Variants in ACTR8 observed in about 807,000 individuals in gnomAD.
ACTR8 encodes actin related protein 8.
Under a neutral mutation model 84.3 loss-of-function variants are expected in ACTR8, and 70 were observed. The ratio of observed to expected loss-of-function variants is 0.83; its 90% confidence interval spans 0.68 to 1.01. The LOEUF (loss-of-function observed/expected upper bound fraction) is 1.01. Ranked by LOEUF, ACTR8 falls within the 50% of genes least tolerant of loss-of-function variation. The pLI, the probability that ACTR8 is intolerant of heterozygous loss-of-function variation, is 0.00. For missense variants in ACTR8, 672 were observed against 775.4 expected, an observed-to-expected ratio of 0.87 and a Z score of 1.58; for synonymous variants, 268 against 275.2, an observed-to-expected ratio of 0.97 and a Z score of 0.26.
At chr3:53,874,162 A>C (rs901526575) in intron 8 of ACTR8, 49 bp downstream of exon 8, 1 of 1,570,756 alleles carries the variant, frequency 6.4e-7, no homozygotes, top group Non-Finnish European at 8.6e-7. Context: ...AAATCTCTTA[A>C]ATTTTTCCTA....
chr3:53,873,781 C>T (rs1490716379), intron 8 of ACTR8, among the ~76,000 whole-genome samples: 1 of 152,130 alleles, frequency 6.6e-6, no homozygotes, highest in Non-Finnish European at 1.5e-5. Context: ...CAGGCTTTAT[C>T]GTGGGTTGAA....
In ACTR8 at chr3:53,882,120, C is replaced by G. The variant is rs76042031; in HGVS notation, c.-19G>C. 37 of 1,551,040 alleles carry G rather than the reference C, an allele frequency of 2.4e-5. No homozygotes were observed. Among genetic ancestry groups the G allele is most frequent in the Non-Finnish European group, 3.1e-5 (35 of 1,146,676 alleles). On this transcript the variant is annotated 5_prime_UTR_variant, in exon 1 of 13. Coordinates refer to ENST00000335754, the MANE Select transcript of ACTR8 (RefSeq NM_022899.5). ...GGGTCATTATGGCCGGAGACACCCA[C>G]CAACCTCTCGCCTCAGCGCTGCAGC...
Position 53,872,433 on chromosome 3 carries a change from T to A in ACTR8, c.1253A>T (p.Asp418Val). 1 of 1,611,608 alleles carries A rather than the reference T, an allele frequency of 6.2e-7. No individual in the cohort carries two copies. Among genetic ancestry groups the A allele is most frequent in the Non-Finnish European group, 8.5e-7 (1 of 1,179,196 alleles). ...CAGCAGGTAATGTTCATCGTGAGGA[T>A]CCTCAGGATCGCCCTGAGATCTGTG... The part of the protein sequence containing the change: ...LQHRSQGDPE[D>V]PHDEHYLLAT... The change falls in exon 10 of 13, where the codon GAT (aspartate) becomes GTT (valine). Residue 418 changes from aspartate (D) to valine (V), a missense_variant. Asp to Val is a radical substitution (Grantham distance 152, BLOSUM62 -3). Transcript: ENST00000335754.
downstream of ACTR8, chr3:53,865,510 C>CTGTT (rs1699755512): frequency 1.9e-6 from 1 of 526,222 alleles, no homozygotes; most frequent in Admixed American, 3.5e-5. Flanking sequence ...AACTTCAAAG[C>CTGTT]TGTTTTATAC....
downstream of ACTR8, among the ~76,000 whole-genome samples, chr3:53,864,320 A>G (rs1699691501): frequency 6.6e-6 from 1 of 152,188 alleles, no homozygotes; most frequent in Non-Finnish European, 1.5e-5. Context: ...GCGGAACACG[A>G]GGTCAGGAGA....
chr3:53,878,773 G>A (rs1417030715), intron 2 of ACTR8, among the ~76,000 whole-genome samples: 3 of 151,908 alleles, frequency 2.0e-5, no homozygotes, highest in Middle Eastern at 3.2e-3. Flanking sequence ...GCAATGAGCC[G>A]AGATCGCACC....
At chr3:53,875,697 A>G (rs1343339123) in intron 7 of ACTR8, among the ~76,000 whole-genome samples, 1 of 152,268 alleles carries the variant, frequency 6.6e-6, no homozygotes, top group African/African-American at 2.4e-5. Context: ...GAAAGCGCAT[A>G]AAACATCCCA....
chr3:53,868,458 T>A lies in ACTR8; in HGVS notation c.*261A>T. The A allele has an allele frequency of 2.4e-6, 1 of 419,366 alleles. No individual in the cohort carries two copies. Among genetic ancestry groups the A allele is most frequent in the Non-Finnish European group, 4.2e-6 (1 of 237,544 alleles). 26.0% of individuals were successfully genotyped at this position (419,366 alleles called of 1,614,324 possible). Reference sequence around the variant, plus strand: ...TAGCAACGTTTACATCACTGGGGAGTTTATGAGACCCTGAGAGAGGGCAAG... The same window carrying A: ...TAGCAACGTTTACATCACTGGGGAGATTATGAGACCCTGAGAGAGGGCAAG... On this transcript the variant is annotated 3_prime_UTR_variant, in exon 13 of 13. Coordinates refer to ENST00000335754, the MANE Select transcript of ACTR8 (RefSeq NM_022899.5).
chr3:53,865,472 T>A, downstream of ACTR8: 2 of 556,902 alleles, frequency 3.6e-6, no homozygotes, highest in Non-Finnish European at 6.2e-6. Context: ...TAATGTAGCA[T>A]TAACTAACGA....
At position 53,871,484 on chromosome 3, in the gene ACTR8, T is replaced by C; in HGVS notation, c.1315A>G (p.Thr439Ala). 1 of 1,614,092 alleles carries C rather than the reference T, an allele frequency of 6.2e-7. No individual in the cohort carries two copies. The highest frequency in any genetic ancestry group is 8.5e-7 in the Non-Finnish European group (1 of 1,180,004). ...TTGGATGCAGACTTTCGGTCAGCAGTAGCTTTTGCAGACTTTAAATCAAAA... is the reference window on the plus strand; with the variant it reads ...TTGGATGCAGACTTTCGGTCAGCAGCAGCTTTTGCAGACTTTAAATCAAAA... ...QSKQEQSAKA[T>A]ADRKSASKPI... is the part of the protein sequence containing the mutation. Residue 439 changes from threonine to alanine, a missense_variant, in exon 11 of 13, where the codon ACT becomes GCT. Thr to Ala is a moderately conservative substitution (Grantham distance 58). Coordinates refer to ENST00000335754, the MANE Select transcript of ACTR8 (RefSeq NM_022899.5).
At chr3:53,875,820 G>T in intron 7 of ACTR8, 128 bp downstream of exon 7, 2 of 1,368,796 alleles carry the variant, frequency 1.5e-6, no homozygotes, top group Non-Finnish European at 2.0e-6. Flanking sequence ...TAATCTTGCT[G>T]GTTTACCATG....
chr3:53,878,277 G>T (rs1274482542), intron 3 of ACTR8, 80 bp downstream of exon 3: 3 of 1,049,756 alleles, frequency 2.9e-6, no homozygotes, highest in Non-Finnish European at 4.4e-6. Flanking sequence ...TATTTGCATA[G>T]TGGTATAGGA....
chr3:53,872,935 T>C, intron 9 of ACTR8, 97 bp downstream of exon 9: 1 of 981,134 alleles, frequency 1.0e-6, no homozygotes, highest in African/African-American at 1.6e-5. Context: ...GTTGACATTC[T>C]GATCTCACAA....
chr3:53,870,244 C>T lies in ACTR8; in HGVS notation c.1568-99G>A. ...TTGCTTGAGCAAGTGCAATAGCCTT[C>T]TCAAAGATTTCCCTCCAGCCCACCC... On this transcript the variant is annotated intron_variant, in intron 11 of 12. Coordinates refer to ENST00000335754, the MANE Select transcript of ACTR8 (RefSeq NM_022899.5). This position sits in a 1 kb window ranked among gnomAD's most constrained non-coding sequence, Gnocchi z 4.1. 1 of 1,402,682 alleles carries T rather than the reference C, an allele frequency of 7.1e-7. No homozygotes were observed. The highest frequency in any genetic ancestry group is 1.4e-5 in the African/African-American group (1 of 69,996). 86.9% of individuals were successfully genotyped at this position (1,402,682 alleles called of 1,614,324 possible).
At position 53,868,575 on chromosome 3, in the gene ACTR8, T is replaced by C. The variant is rs113423844; in HGVS notation, c.*144A>G. The stretch of plus-strand genomic sequence containing the variant: ...AGTTTATATTTTCAAACCAATGTCA[T>C]GTCCTCAACATAAAGTTCAAATTCA... On this transcript the variant is annotated 3_prime_UTR_variant, in exon 13 of 13. Transcript: ENST00000335754. 1.6e-6 allele frequency: 2 copies of C among 1,267,134 alleles called. No individual in the cohort carries two copies. Among genetic ancestry groups the C allele is most frequent in the Admixed American group, 5.8e-5 (2 of 34,382 alleles). 78.5% of individuals were successfully genotyped at this position (1,267,134 alleles called of 1,614,324 possible).
Position 53,877,342 on chromosome 3 carries a change from T to C in ACTR8, c.556A>G (p.Ile186Val). 1 of 1,613,942 alleles carries C rather than the reference T, an allele frequency of 6.2e-7. No individual in the cohort carries two copies. The highest frequency in any genetic ancestry group is 8.5e-7 in the Non-Finnish European group (1 of 1,179,922). The stretch of plus-strand genomic sequence containing the variant: ...TGAATATTTAACTGACCTCTTCTGA[T>C]AGGCCAGTGAATATTGTAACAGTCC... Reference protein sequence around the residue: ...PLDCYNIHWPIRRGQLNIHPG... With the variant: ...PLDCYNIHWPVRRGQLNIHPG... Residue 186 changes from isoleucine to valine, a missense_variant, in exon 5 of 13, where the codon ATC becomes GTC. Ile to Val is a conservative substitution (Grantham distance 29). Coordinates refer to ENST00000335754, the MANE Select transcript of ACTR8 (RefSeq NM_022899.5).
Position 53,868,636 on chromosome 3 carries a change from A to G in ACTR8, c.*83T>C. ...ATGACACTTAAGCATCCAGATCAAT[A>G]AATTACAATACACATATTCTGTAAG... On this transcript the variant is annotated 3_prime_UTR_variant, in exon 13 of 13. Transcript: ENST00000335754. The G allele has an allele frequency of 6.5e-7, 1 of 1,539,208 alleles. No individual in the cohort carries two copies. The highest frequency in any genetic ancestry group is 2.0e-5 in the Admixed American group (1 of 49,310).
downstream of ACTR8, chr3:53,865,253 A>G: frequency 6.2e-7 from 1 of 1,612,006 alleles, no homozygotes; most frequent in African/African-American, 1.3e-5. Flanking sequence ...GTCAAGCAGC[A>G]GGTGTCAGCA....
Position 53,876,620 on chromosome 3 carries a change from C to T in ACTR8, c.778G>A (p.Gly260Arg). Residue 260 changes from glycine (G) to arginine (R), a missense_variant and splice_region_variant, in exon 6 of 13, where the codon GGG becomes AGG. By Grantham distance (125) the Gly-to-Arg change is moderately radical. Coordinates refer to ENST00000335754, the MANE Select transcript of ACTR8 (RefSeq NM_022899.5). ...GGTTTCACTGGGATATCAGACATAC[C>T]TGAAAAACCCATCTTCATTAGTATC... is the stretch of plus-strand genomic sequence containing the variant. Reference protein sequence around the residue: ...NMILMKMGFSGIVVHQESVCA... With the variant: ...NMILMKMGFSRIVVHQESVCA... 1 of 1,552,294 alleles carries T rather than the reference C, an allele frequency of 6.4e-7. No homozygotes were observed. Among genetic ancestry groups the T allele is most frequent in the Non-Finnish European group, 8.8e-7 (1 of 1,134,388 alleles).
Sources: gnomAD v4.1 joint callset for allele counts (sites outside exome capture counted in the v4.1 genomes callset) on GRCh38, gnomAD v4.1.1 for gene constraint, Gnocchi (gnomAD v3.1) non-coding constraint, MANE v1.5 for transcripts, NCBI Gene and HGNC (gene_info 2026-07-23, HGNC 2026-07-21) for gene names.